The following PICK1 variants were observed in gnomAD, a reference collection of about 807,000 sequenced individuals.
The protein encoded by PICK1 is protein interacting with PRKCA 1, also known as PRKCA-binding protein.
In PICK1, 23 loss-of-function variants were observed where a neutral mutation model predicts 48.9. The observed-to-expected ratio is 0.47, with a 90% CI of 0.34 to 0.67. The LOEUF is 0.67. Among genes scored for constraint, PICK1 ranks in the 30% least tolerant of loss-of-function variants. The probability of loss-of-function intolerance (pLI) is 0.01; values close to 1 mark genes in which losing one functional copy is unlikely to be tolerated. For missense variants in PICK1, 423 were observed against 557.1 expected (o/e 0.76, Z 2.42); for synonymous variants, 217 against 228.2 (o/e 0.95, Z 0.44).
chr22:38,073,613 G>C lies in PICK1; in HGVS notation c.784-160G>C, dbSNP rs12157661. Reference sequence around the variant, plus strand: ...GAGTTTGGTCAACTCGGCCGCCTAAGCCTCAGGCCCTGTCATCCCTCAGCA... The same window carrying C: ...GAGTTTGGTCAACTCGGCCGCCTAACCCTCAGGCCCTGTCATCCCTCAGCA... On this transcript the variant is annotated intron_variant, in intron 10 of 12. Transcript: ENST00000356976. This position sits in a 1 kb window ranked among gnomAD's most constrained non-coding sequence, Gnocchi z 5.7. Among the ~76,000 whole-genome samples the C allele has an allele frequency of 3.9e-5, 6 of 152,278 alleles. No homozygotes were observed. The highest frequency in any genetic ancestry group is 1.4e-4 in the African/African-American group (6 of 41,552).
At chr22:38,068,938 C>T in intron 5 of PICK1, 95 bp from the exon 6 acceptor site, 3 of 1,020,782 alleles carry the variant, frequency 2.9e-6, no homozygotes, top group South Asian at 2.7e-5. Flanking sequence ...CCTTCTGCCC[C>T]CTGTGGGGTG....
At chr22:38,059,435 CCTT>C (rs1469410147) in intron 3 of PICK1, 90 bp downstream of exon 3, 8 of 897,970 alleles carry the variant, frequency 8.9e-6, no homozygotes, top group Admixed American at 6.0e-5. Flanking sequence ...ATAGCTGACT[CCTT>C]CTCATTCTTG....
rs2085763604 is a variant in PICK1, at chr22:38,073,886, G to C, written c.834+63G>C. 1.3e-6 allele frequency: 2 copies of C among 1,545,804 alleles called. No individual in the cohort carries two copies. The highest frequency in any genetic ancestry group is 3.3e-5 in the Admixed American group (2 of 59,922). ...CCACCTGGTCTGCCAGGGATAGCAG[G>C]TGGCTCAGGCCAACCCGGGAGAGAC... On this transcript the variant is annotated intron_variant, in intron 11 of 12. Transcript: ENST00000356976. The surrounding 1 kb of genome is among the most constrained non-coding windows in gnomAD (Gnocchi z 5.7).
intron 8 of PICK1, chr22:38,071,998 ATT>A: frequency 1.8e-6 from 1 of 558,226 alleles, no homozygotes; most frequent in East Asian, 3.1e-5. Context: ...GCCCTTGCTT[ATT>A]TATATTTCTG....
chr22:38,073,818 T>C lies in PICK1; in HGVS notation c.829T>C (p.Cys277Arg). Residue 277 changes from cysteine to arginine, a missense_variant, in exon 11 of 13, where the codon TGC (cysteine) becomes CGC (arginine). Physicochemically the swap from Cys to Arg is radical, Grantham distance 180. Coordinates refer to ENST00000356976, the MANE Select transcript of PICK1 (RefSeq NM_012407.4). This position sits in a 1 kb window ranked among gnomAD's most constrained non-coding sequence, Gnocchi z 5.7. ...VKEMDDEEYS[C>R]IALGEPLYRV... The stretch of plus-strand genomic sequence containing the variant: ...GGAGATGGATGACGAGGAATACAGC[T>C]GCATTGTGAGTGTTGGAGGGGGTGG... 6.2e-7 allele frequency: 1 copy of C among 1,612,520 alleles called. No homozygotes were observed. Among genetic ancestry groups the C allele is most frequent in the South Asian group, 1.1e-5 (1 of 91,042 alleles).
intron 3 of PICK1, among the ~76,000 whole-genome samples, 190 bp downstream of exon 3, chr22:38,059,535 C>A (rs1405063234): frequency 2.0e-5 from 3 of 152,258 alleles, no homozygotes; most frequent in Non-Finnish European, 4.4e-5. Flanking sequence ...CTGTTTTTTT[C>A]CTTCTCGGCA....
In PICK1 at chr22:38,073,878, G is replaced by A. The variant is rs2085763443; in HGVS notation, c.834+55G>A. The stretch of plus-strand genomic sequence containing the variant: ...ACTTCCCCCCACCTGGTCTGCCAGG[G>A]ATAGCAGGTGGCTCAGGCCAACCCG... On this transcript the variant is annotated intron_variant, in intron 11 of 12. Transcript: ENST00000356976. This position sits in a 1 kb window ranked among gnomAD's most constrained non-coding sequence, Gnocchi z 5.7. 4.5e-6 allele frequency: 7 copies of A among 1,561,672 alleles called. No homozygotes were observed. The highest frequency in any genetic ancestry group is 1.4e-5 in the African/African-American group (1 of 73,930).
chr22:38,071,898 G>T lies in PICK1; in HGVS notation c.556+154G>T, dbSNP rs534672072. The T allele has an allele frequency of 2.7e-4, 191 of 717,024 alleles. No individual in the cohort carries two copies. In the East Asian group the frequency reaches 4.9e-3, roughly 19 times the overall value. The allele number at this position is 717,024 out of a possible 1,614,324, so 44.4% of individuals were successfully genotyped here. A position where few individuals can be genotyped will look rare whatever the true frequency, so the allele number is the denominator to read the frequency against. ...TGCTGGGATTTGCGATGGGCCTGCG[G>T]GGAACATCTAGATCAGCTGGTCTCT... is the stretch of plus-strand genomic sequence containing the variant. On this transcript the variant is annotated intron_variant, in intron 8 of 12. Coordinates refer to ENST00000356976, the MANE Select transcript of PICK1 (RefSeq NM_012407.4).
chr22:38,065,805 G>A (rs146189274), intron 4 of PICK1, among the ~76,000 whole-genome samples: 117 of 152,266 alleles, frequency 7.7e-4, no homozygotes, highest in African/African-American at 1.6e-3. Context: ...CTAGTCTCAG[G>A]AAACCAATAC....
chr22:38,073,206 G>A lies in PICK1; in HGVS notation c.783+114G>A. 1.3e-6 allele frequency: 1 copy of A among 777,042 alleles called. No homozygotes were observed. Among genetic ancestry groups the A allele is most frequent in the Non-Finnish European group, 2.3e-6 (1 of 434,756 alleles). The allele number at this position is 777,042 out of a possible 1,614,324, so 48.1% of individuals were successfully genotyped here. On this transcript the variant is annotated intron_variant, in intron 10 of 12. Transcript: ENST00000356976. This position sits in a 1 kb window ranked among gnomAD's most constrained non-coding sequence, Gnocchi z 5.7. ...GCCAGCCAGAGCTGACAGCATGTCT[G>A]CTCCAGGTGTGGGCCCAGAGGCCCA...
rs1482458962 is a variant in PICK1 at position 38,075,120 on chromosome 22, G to A, written c.1236G>A (p.Trp412Ter). The part of the protein sequence containing the change: ...AAGPLDKGGS[W>*]CDS Reference sequence around the variant, plus strand: ...GGCCCTTGGACAAGGGTGGAAGCTGGTGTGACTCCTGAGTGCCCCGCGGCT... The same window carrying A: ...GGCCCTTGGACAAGGGTGGAAGCTGATGTGACTCCTGAGTGCCCCGCGGCT... Residue 412 changes from tryptophan to a stop codon, truncating the protein, a stop_gained, in exon 13 of 13, where the codon TGG (tryptophan) becomes TGA (stop). Transcript: ENST00000356976. LOFTEE classifies it high-confidence loss of function. 2 of 1,611,270 alleles carry A rather than the reference G, an allele frequency of 1.2e-6. No individual in the cohort carries two copies. Among genetic ancestry groups the A allele is most frequent in the Non-Finnish European group, 1.7e-6 (2 of 1,179,330 alleles).
intron 4 of PICK1, among the ~76,000 whole-genome samples, chr22:38,065,704 C>T (rs1330292596): frequency 6.6e-6 from 1 of 152,220 alleles, no homozygotes; most frequent in Non-Finnish European, 1.5e-5. Flanking sequence ...CCACCCCTGC[C>T]GCTCCAGGAC....
rs144498214 is a variant in PICK1, at chr22:38,065,062, G to C, written c.214G>C (p.Gly72Arg). The C allele has an allele frequency of 8.7e-5, 141 of 1,613,946 alleles. No individual in the cohort carries two copies. Among genetic ancestry groups the C allele is most frequent in the Non-Finnish European group, 1.0e-4 (123 of 1,179,990 alleles). Residue 72 changes from glycine to arginine, a missense_variant, in exon 4 of 13, where the codon GGT becomes CGT. Coordinates refer to ENST00000356976, the MANE Select transcript of PICK1 (RefSeq NM_012407.4). The part of the protein sequence containing the change: ...GTVAAGDEIT[G>R]VNGRSIKGKT... ...AGTGGCAGCTGGCGATGAGATCACC[G>C]GTGTCAATGGCAGGTCAATCAAAGG...
At chr22:38,067,462 C>A in intron 4 of PICK1, 1 of 455,592 alleles carries the variant, frequency 2.2e-6, no homozygotes, top group Non-Finnish European at 4.2e-6. Flanking sequence ...GCACGCGCCA[C>A]TACGCCCAGC....
intron 4 of PICK1, among the ~76,000 whole-genome samples, chr22:38,065,897 C>T (rs1247585095): frequency 6.6e-6 from 1 of 152,154 alleles, no homozygotes; most frequent in African/African-American, 2.4e-5. Context: ...ACTGTGAGTT[C>T]AGCTTGGCCA....
intron 8 of PICK1, 84 bp downstream of exon 8, chr22:38,071,828 C>A: frequency 8.4e-7 from 1 of 1,192,600 alleles, no homozygotes; most frequent in Non-Finnish European, 1.3e-6. Context: ...GTCAGACCCA[C>A]AGCGCCTGAC....
chr22:38,063,083 G>C (rs927988146), intron 3 of PICK1, among the ~76,000 whole-genome samples: 2 of 152,020 alleles, frequency 1.3e-5, no homozygotes, highest in Non-Finnish European at 2.9e-5. Flanking sequence ...CATGTATCTC[G>C]ATGATGACAT....
intron 2 of PICK1, chr22:38,058,294 C>T: frequency 1.4e-5 from 3 of 222,020 alleles, no homozygotes; most frequent in South Asian, 1.5e-4. Context: ...TCTCTATGCT[C>T]AGCACTTAGT....
chr22:38,069,595 G>A (rs1404210684), intron 6 of PICK1, among the ~76,000 whole-genome samples: 1 of 152,268 alleles, frequency 6.6e-6, no homozygotes, highest in Non-Finnish European at 1.5e-5. Flanking sequence ...GGTGGCCAGC[G>A]AAACACTCAG....
Sources: gnomAD v4.1 joint callset for allele counts (sites outside exome capture counted in the v4.1 genomes callset) on GRCh38, gnomAD v4.1.1 for gene constraint, Gnocchi (gnomAD v3.1) non-coding constraint, MANE v1.5 for transcripts, NCBI Gene and HGNC (gene_info 2026-07-23, HGNC 2026-07-21) for gene names.